Variants in GRM3 observed in about 807,000 individuals in gnomAD.
The protein encoded by GRM3 is metabotropic glutamate receptor 3.
Under a neutral mutation model 70.5 loss-of-function variants are expected in GRM3, and 26 were observed. The ratio of observed to expected loss-of-function variants is 0.37; its 90% CI spans 0.27 to 0.51. The LOEUF (loss-of-function observed/expected upper bound fraction) is 0.51, where lower values mean the gene tolerates loss of function less well. GRM3 is among the 20% of genes least tolerant of loss of function. The probability of loss-of-function intolerance (pLI) is 0.93; values close to 1 mark genes in which losing one functional copy is unlikely to be tolerated. For synonymous variants in GRM3, 443 were observed against 434.9 expected, an observed-to-expected ratio of 1.02 and a Z score of -0.23; for missense variants, 859 against 1,123.8, an observed-to-expected ratio of 0.76 and a Z score of 3.37.
intron 1 of GRM3, among the ~76,000 whole-genome samples, chr7:86,741,898 T>G (rs1795999680): frequency 6.6e-6 from 1 of 152,208 alleles, no homozygotes. Flanking sequence ...TAAATATAAA[T>G]GGAAAGTAGT....
intron 3 of GRM3, among the ~76,000 whole-genome samples, chr7:86,801,288 C>A (rs182487608): frequency 1.2e-3 from 188 of 152,134 alleles, no homozygotes; most frequent in African/African-American, 4.3e-3. Flanking sequence ...CCAGGCTGAT[C>A]TTGAACTCCT....
At chr7:86,795,951 T>A (rs1797538972) in intron 3 of GRM3, among the ~76,000 whole-genome samples, 1 of 152,186 alleles carries the variant, frequency 6.6e-6, no homozygotes, top group African/African-American at 2.4e-5. Flanking sequence ...TAAGTTTAAG[T>A]TCCTTGTAGA....
At chr7:86,831,414 G>A (rs950410859) in intron 3 of GRM3, among the ~76,000 whole-genome samples, 2 of 152,144 alleles carry the variant, frequency 1.3e-5, no homozygotes, top group Admixed American at 6.5e-5. Context: ...AAGAGGGCAA[G>A]AGTTGGGGAA....
chr7:86,658,784 A>G (rs1266430989), intron 1 of GRM3, among the ~76,000 whole-genome samples: 1 of 152,018 alleles, frequency 6.6e-6, no homozygotes, highest in African/African-American at 2.4e-5. Flanking sequence ...TTTTAGCCAT[A>G]TATTTTTATA....
intron 3 of GRM3, among the ~76,000 whole-genome samples, chr7:86,811,623 G>A (rs1419980062): frequency 6.6e-6 from 1 of 151,804 alleles, no homozygotes; most frequent in African/African-American, 2.4e-5. Context: ...GGCTTTCAAA[G>A]AGCTCATTGG....
chr7:86,766,748 C>A (rs149747968), intron 2 of GRM3, among the ~76,000 whole-genome samples: 214 of 152,230 alleles, frequency 1.4e-3, no homozygotes, highest in African/African-American at 4.9e-3. Flanking sequence ...GTCCATGATT[C>A]TAAGAGTCAT....
chr7:86,838,805 T>G (rs760777918), intron 3 of GRM3, 34 bp from the exon 4 acceptor site: 41 of 1,231,644 alleles, frequency 3.3e-5, no homozygotes, highest in Non-Finnish European at 4.6e-5. Flanking sequence ...CCTAAACAAG[T>G]GTTCTTTTTT....
chr7:86,829,299 T>C (rs1326811881), intron 3 of GRM3, among the ~76,000 whole-genome samples: 1 of 152,228 alleles, frequency 6.6e-6, no homozygotes, highest in Non-Finnish European at 1.5e-5. Context: ...TGATGTTCTA[T>C]CCAGACAAGT....
At chr7:86,809,907 C>T (rs1205500486) in intron 3 of GRM3, among the ~76,000 whole-genome samples, 1 of 151,990 alleles carries the variant, frequency 6.6e-6, no homozygotes, top group Non-Finnish European at 1.5e-5. Flanking sequence ...CATTCCCAAA[C>T]AAACAATGCT....
At chr7:86,684,410 A>T (rs1250163830) in intron 1 of GRM3, among the ~76,000 whole-genome samples, 1 of 152,236 alleles carries the variant, frequency 6.6e-6, no homozygotes, top group African/African-American at 2.4e-5. Context: ...TTTTCTTTCA[A>T]TGCACAATGT....
chr7:86,753,435 T>C (rs1318998230), intron 1 of GRM3, among the ~76,000 whole-genome samples: 3 of 152,134 alleles, frequency 2.0e-5, no homozygotes, highest in Non-Finnish European at 4.4e-5. Context: ...GCTTTCAAAA[T>C]GTTTTTTTAA....
chr7:86,800,405 TAAAGA>T (rs1159003965), intron 3 of GRM3, among the ~76,000 whole-genome samples: 1 of 151,788 alleles, frequency 6.6e-6, no homozygotes, highest in African/African-American at 2.4e-5. Flanking sequence ...GCTAGACTAA[TAAAGA>T]AAAGAGAGAA....
intron 3 of GRM3, among the ~76,000 whole-genome samples, chr7:86,794,819 G>A (rs539807029): frequency 6.6e-6 from 1 of 151,804 alleles, no homozygotes; most frequent in South Asian, 2.1e-4. Context: ...ACGTGGCAGA[G>A]TCCTCTGAAG....
At chr7:86,849,188 A>G (rs1277820441) in intron 4 of GRM3, among the ~76,000 whole-genome samples, 1 of 152,148 alleles carries the variant, frequency 6.6e-6, no homozygotes. Flanking sequence ...TATTATACAT[A>G]TACGTAGAAA....
chr7:86,779,497 C>A (rs906011254), intron 2 of GRM3, among the ~76,000 whole-genome samples: 1 of 152,160 alleles, frequency 6.6e-6, no homozygotes, highest in Non-Finnish European at 1.5e-5. Context: ...TATCAATTCC[C>A]TCATCAATCC....
intron 1 of GRM3, among the ~76,000 whole-genome samples, chr7:86,677,974 T>C (rs367906563): frequency 1.3e-5 from 2 of 152,066 alleles, no homozygotes; most frequent in South Asian, 4.1e-4. Context: ...AAAAGGAGAC[T>C]AGTAAATAAA....
At chr7:86,794,398 A>G (rs1797499149) in intron 3 of GRM3, among the ~76,000 whole-genome samples, 1 of 152,236 alleles carries the variant, frequency 6.6e-6, no homozygotes, top group Admixed American at 6.5e-5. Context: ...AAGAACTTCA[A>G]ACAATTATAC....
At chr7:86,694,142 G>A (rs2840183) in intron 1 of GRM3, among the ~76,000 whole-genome samples, 51,509 of 151,976 alleles carry the variant, frequency 0.34, 9,209 homozygotes, top group African/African-American at 0.45. Context: ...TCACTTAGAT[G>A]CATACAGTTT....
At chr7:86,694,208 T>A (rs117892312) in intron 1 of GRM3, among the ~76,000 whole-genome samples, 1 of 152,016 alleles carries the variant, frequency 6.6e-6, no homozygotes, top group African/African-American at 2.4e-5. Flanking sequence ...CACTCAGAAA[T>A]GAAGTACAAA....
Sources: allele counts gnomAD v4.1 joint callset (sites outside exome capture counted in the v4.1 genomes callset), GRCh38; gene constraint gnomAD v4.1.1; transcripts MANE v1.5; gene names NCBI Gene and HGNC (gene_info 2026-07-23, HGNC 2026-07-21).